The following NPFFR2 variants were observed in gnomAD, a reference collection of about 807,000 sequenced individuals.
The protein encoded by NPFFR2 is G-protein coupled receptor 74.
A neutral mutation model predicts 13.1 loss-of-function variants in NPFFR2; 15 were observed. The ratio of observed to expected loss-of-function variants is 1.15; its 90% CI spans 0.77 to 1.76. The LOEUF is 1.76. Among genes scored for constraint, NPFFR2 ranks in the 40% most tolerant of loss-of-function variants. The probability of loss-of-function intolerance (pLI) is 0.00; values close to 1 mark genes in which losing one functional copy is unlikely to be tolerated. For synonymous variants in NPFFR2, 190 were observed against 175.7 expected (o/e 1.08, Z -0.65); for missense variants, 572 against 503.5 (o/e 1.14, Z -1.30).
intron 2 of NPFFR2, among the ~76,000 whole-genome samples, chr4:72,132,957 C>CT (rs752501572): frequency 2.0e-5 from 3 of 152,076 alleles, no homozygotes; most frequent in Non-Finnish European, 4.4e-5. Flanking sequence ...TCTCTTTACT[C>CT]TGTTGATATT....
intron 3 of NPFFR2, among the ~76,000 whole-genome samples, chr4:72,145,315 T>C (rs577797852): frequency 6.7e-6 from 1 of 148,978 alleles, no homozygotes; most frequent in African/African-American, 2.4e-5. Context: ...TAAATACAAA[T>C]ATATAAATAC....
chr4:72,091,059 G>A (rs919891875), intron 1 of NPFFR2, among the ~76,000 whole-genome samples: 1 of 151,964 alleles, frequency 6.6e-6, no homozygotes, highest in Non-Finnish European at 1.5e-5. Context: ...GCTGGATTTT[G>A]TCAAATGTTC....
intron 1 of NPFFR2, among the ~76,000 whole-genome samples, chr4:72,128,023 G>T (rs1179580946): frequency 1.3e-5 from 2 of 152,104 alleles, no homozygotes; most frequent in Non-Finnish European, 2.9e-5. Context: ...AGGCTATAGT[G>T]AGCTGAGATG....
intron 3 of NPFFR2, among the ~76,000 whole-genome samples, chr4:72,146,319 G>A (rs1578486914): frequency 1.3e-5 from 2 of 152,222 alleles, no homozygotes; most frequent in East Asian, 3.9e-4. Flanking sequence ...TCTAATTCAA[G>A]CTTCTTGGAA....
intron 1 of NPFFR2, among the ~76,000 whole-genome samples, chr4:72,092,793 G>A (rs1012165039): frequency 1.3e-5 from 2 of 151,946 alleles, no homozygotes; most frequent in African/African-American, 4.8e-5. Flanking sequence ...TATTCATTTT[G>A]CCATTTTTTG....
chr4:72,041,822 T>C (rs1385839434), intron 1 of NPFFR2, among the ~76,000 whole-genome samples: 2 of 152,206 alleles, frequency 1.3e-5, no homozygotes, highest in African/African-American at 4.8e-5. Flanking sequence ...TCATGTCCTA[T>C]GTTCACTTTT....
chr4:72,052,429 T>C (rs1253204419), intron 1 of NPFFR2, among the ~76,000 whole-genome samples: 1 of 149,578 alleles, frequency 6.7e-6, no homozygotes, highest in East Asian at 2.0e-4. Context: ...GAAAAGGCCT[T>C]TGACAAAATT....
At chr4:72,059,700 G>A (rs1243487756) in intron 1 of NPFFR2, among the ~76,000 whole-genome samples, 1 of 152,036 alleles carries the variant, frequency 6.6e-6, no homozygotes, top group Non-Finnish European at 1.5e-5. Flanking sequence ...CCAAAGTGGG[G>A]TTTCTTCTAA....
At chr4:72,037,399 GTT>G (rs1411230006) in intron 1 of NPFFR2, among the ~76,000 whole-genome samples, 2 of 42,820 alleles carry the variant, frequency 4.7e-5, no homozygotes, top group Non-Finnish European at 1.2e-4. Flanking sequence ...GCAAGATCTT[GTT>G]TGAAAAAAAA....
chr4:72,143,441 G>GA (rs1181286890), intron 3 of NPFFR2, among the ~76,000 whole-genome samples: 6 of 151,982 alleles, frequency 3.9e-5, no homozygotes, highest in Non-Finnish European at 1.5e-5. Flanking sequence ...ATGAGTCAGG[G>GA]AAAAAAGGGG....
At chr4:72,041,650 G>A (rs1020128184) in intron 1 of NPFFR2, among the ~76,000 whole-genome samples, 4 of 152,042 alleles carry the variant, frequency 2.6e-5, no homozygotes, top group African/African-American at 4.8e-5. Context: ...CCACAACCTC[G>A]TCAGCATCTG....
In NPFFR2 at chr4:72,128,938, A is replaced by C. The variant is rs749256682; in HGVS notation, c.328+19A>C. On this transcript the variant is annotated intron_variant, in intron 2 of 3. Transcript: ENST00000308744. ...ATAGCAGGTATGTTGGCTTTTGTGCAGTTTGAAGATAATATGAAATATTTG... is the reference window on the plus strand; with the variant it reads ...ATAGCAGGTATGTTGGCTTTTGTGCCGTTTGAAGATAATATGAAATATTTG... 70 of 1,551,874 alleles carry C rather than the reference A, an allele frequency of 4.5e-5. No individual in the cohort carries two copies. Among genetic ancestry groups the C allele is most frequent in the Non-Finnish European group, 5.9e-5 (67 of 1,130,028 alleles).
At chr4:72,120,832 T>A (rs1246634909) in intron 1 of NPFFR2, among the ~76,000 whole-genome samples, 1 of 151,986 alleles carries the variant, frequency 6.6e-6, no homozygotes, top group Non-Finnish European at 1.5e-5. Context: ...AAAACCAGAA[T>A]GCCTTTTCTC....
chr4:72,072,021 G>C (rs4694462), intron 1 of NPFFR2, among the ~76,000 whole-genome samples: 136,870 of 152,104 alleles, frequency 0.9, 62,533 homozygotes, highest in Non-Finnish European at 0.98. Context: ...GTTTGCCCCT[G>C]TGGTTTATTC....
chr4:72,117,734 G>A (rs929614884), intron 1 of NPFFR2, among the ~76,000 whole-genome samples: 5 of 152,166 alleles, frequency 3.3e-5, no homozygotes. Flanking sequence ...TTCCCTGATG[G>A]AATGTCCATG....
At chr4:72,140,043 A>G (rs949626764) in intron 3 of NPFFR2, among the ~76,000 whole-genome samples, 1 of 152,046 alleles carries the variant, frequency 6.6e-6, no homozygotes, top group Non-Finnish European at 1.5e-5. Flanking sequence ...TTCACTCATG[A>G]TTTGGCTCTC....
At chr4:72,122,291 C>T (rs184205723) in intron 1 of NPFFR2, among the ~76,000 whole-genome samples, 134 of 152,220 alleles carry the variant, frequency 8.8e-4, no homozygotes, top group African/African-American at 3.0e-3. Context: ...TAGACTCCCA[C>T]GCAATAGTAG....
chr4:72,061,599 A>T (rs369438109), intron 1 of NPFFR2, among the ~76,000 whole-genome samples: 2 of 152,166 alleles, frequency 1.3e-5, no homozygotes, highest in East Asian at 3.9e-4. Flanking sequence ...TCAATATACT[A>T]TATGATAATG....
chr4:72,067,199 C>CT (rs370069288), intron 1 of NPFFR2, among the ~76,000 whole-genome samples: 9 of 152,320 alleles, frequency 5.9e-5, no homozygotes, highest in Middle Eastern at 6.8e-3. Context: ...TTGTGGCTTA[C>CT]AGATCATGCC....
Sources: allele counts gnomAD v4.1 joint callset (sites outside exome capture counted in the v4.1 genomes callset), GRCh38; gene constraint gnomAD v4.1.1; transcripts MANE v1.5; gene names NCBI Gene and HGNC (gene_info 2026-07-23, HGNC 2026-07-21).